COL21A1: variants seen among roughly 807,000 people sequenced by gnomAD.
COL21A1 encodes collagen alpha-1(XXI) chain.
COL21A1 carries 149 observed loss-of-function variants against 137.9 expected under a neutral mutation model. That is an observed-to-expected ratio of 1.08 (90% CI 0.95 to 1.24). The LOEUF (loss-of-function observed/expected upper bound fraction) is 1.24, where lower values mean the gene tolerates loss of function less well. Ranked by LOEUF, COL21A1 falls within the 50% of genes most tolerant of loss-of-function variation. The pLI is 0.00. For synonymous variants in COL21A1, 456 were observed against 391.5 expected (o/e 1.16, Z -1.95); for missense variants, 1,167 against 1,158.4 (o/e 1.01, Z -0.11).
intron 17 of COL21A1, among the ~76,000 whole-genome samples, chr6:56,096,580 T>C (rs536764157): frequency 6.6e-6 from 1 of 152,202 alleles, no homozygotes; most frequent in African/African-American, 2.4e-5. Flanking sequence ...TACTGACATG[T>C]GAATGTACTT....
chr6:56,201,608 T>G (rs984945715), intron 1 of COL21A1, among the ~76,000 whole-genome samples: 3 of 152,192 alleles, frequency 2.0e-5, no homozygotes, highest in Non-Finnish European at 2.9e-5. Flanking sequence ...AAAGATCAGA[T>G]AGTTGTAGAT....
intron 18 of COL21A1, 34 bp downstream of exon 18, chr6:56,077,495 T>C (rs1255176372): frequency 5.4e-6 from 8 of 1,490,998 alleles, no homozygotes; most frequent in Non-Finnish European, 7.3e-6. Flanking sequence ...AATGAGCAGA[T>C]CCAGGCCCAA....
chr6:56,353,474 G>A (rs1016810496), intron 1 of COL21A1, among the ~76,000 whole-genome samples: 1 of 152,026 alleles, frequency 6.6e-6, no homozygotes, highest in African/African-American at 2.4e-5. Context: ...GCCTCCAGAT[G>A]ACCCAGTCCC....
chr6:56,388,681 G>T (rs2094023247), intron 1 of COL21A1, among the ~76,000 whole-genome samples: 1 of 152,132 alleles, frequency 6.6e-6, no homozygotes, highest in Admixed American at 6.5e-5. Flanking sequence ...GTACAAACAA[G>T]CCCAGACTGC....
intron 1 of COL21A1, among the ~76,000 whole-genome samples, chr6:56,381,763 A>G (rs2094009030): frequency 6.6e-6 from 1 of 152,228 alleles, no homozygotes; most frequent in South Asian, 2.1e-4. Flanking sequence ...TGTTTTGTCA[A>G]TTATCAGCTA....
chr6:56,325,395 T>TATA (rs1765006467), intron 1 of COL21A1, among the ~76,000 whole-genome samples: 6 of 540 alleles, frequency 0.011, 3 homozygotes, highest in Non-Finnish European at 0.17. Flanking sequence ...TATTATATAT[T>TATA]ATATATATTA....
intron 1 of COL21A1, among the ~76,000 whole-genome samples, chr6:56,297,878 A>T (rs1341913749): frequency 6.6e-6 from 1 of 152,052 alleles, no homozygotes. Flanking sequence ...GTAGCCGTCT[A>T]TCATTTTTAT....
intron 1 of COL21A1, among the ~76,000 whole-genome samples, chr6:56,393,219 A>G (rs909411935): frequency 2.6e-5 from 4 of 152,222 alleles, no homozygotes; most frequent in Non-Finnish European, 5.9e-5. Flanking sequence ...ATTCATTTTC[A>G]ACAAAAATGC....
Position 56,180,038 on chromosome 6 carries a change from A to C in COL21A1, c.180T>G (p.Leu60=). 1 of 1,613,852 alleles carries C rather than the reference A, an allele frequency of 6.2e-7. No homozygotes were observed. The highest frequency in any genetic ancestry group is 8.5e-7 in the Non-Finnish European group (1 of 1,179,812). The part of the protein sequence containing the change: ...PENFEIVKKW[L]VNITKNFDIG... ...TGTCAAAGTTTTTTGTGATATTGAC[A>C]AGCCACTTTTTCACTATTTCAAAGT... The change falls in exon 3 of 30, where the codon CTT becomes CTG. Residue 60 remains leucine (L), a synonymous_variant. Coordinates refer to ENST00000244728, the MANE Select transcript of COL21A1 (RefSeq NM_030820.4).
intron 1 of COL21A1, among the ~76,000 whole-genome samples, chr6:56,214,084 A>G (rs1780343622): frequency 6.6e-6 from 1 of 152,138 alleles, no homozygotes; most frequent in Non-Finnish European, 1.5e-5. Context: ...CTAAATGTGA[A>G]TATTTGTATA....
chr6:56,326,825 G>A (rs1765105463), intron 1 of COL21A1, among the ~76,000 whole-genome samples: 1 of 151,992 alleles, frequency 6.6e-6, no homozygotes, highest in Non-Finnish European at 1.5e-5. Context: ...GACTAGATTA[G>A]GAACAATGGT....
intron 1 of COL21A1, among the ~76,000 whole-genome samples, chr6:56,323,832 T>C (rs1764934415): frequency 6.6e-6 from 1 of 152,108 alleles, no homozygotes; most frequent in African/African-American, 2.4e-5. Context: ...TTAATAATTA[T>C]TACTATGATG....
At chr6:56,112,688 T>TC (rs1554137678) in intron 16 of COL21A1, among the ~76,000 whole-genome samples, 1 of 104,934 alleles carries the variant, frequency 9.5e-6, no homozygotes, top group African/African-American at 3.4e-5. Context: ...TTCTTTTTTC[T>TC]TTTTTTTTTT....
At chr6:56,106,476 C>T (rs1770904756) in intron 16 of COL21A1, among the ~76,000 whole-genome samples, 1 of 152,278 alleles carries the variant, frequency 6.6e-6, no homozygotes, top group South Asian at 2.1e-4. Flanking sequence ...TCCTCCACAT[C>T]CCCAGCAGAA....
chr6:56,133,120 C>G (rs1467975162), intron 12 of COL21A1, among the ~76,000 whole-genome samples: 1 of 152,142 alleles, frequency 6.6e-6, no homozygotes, highest in Non-Finnish European at 1.5e-5. Flanking sequence ...GAGGTTGGAA[C>G]AGTTTGGAGG....
At chr6:56,194,135 ATTAAG>A (rs1362513311) in intron 1 of COL21A1, among the ~76,000 whole-genome samples, 1 of 152,180 alleles carries the variant, frequency 6.6e-6, no homozygotes. Context: ...AAGCCTCAAA[ATTAAG>A]TTATTAAGTT....
At chr6:56,158,003 G>T (rs992895132) in intron 9 of COL21A1, among the ~76,000 whole-genome samples, 4 of 152,240 alleles carry the variant, frequency 2.6e-5, no homozygotes, top group Admixed American at 2.6e-4. Context: ...TTGCCCAATG[G>T]CCAGTACTGA....
At chr6:56,340,058 A>G (rs1215191560) in intron 1 of COL21A1, among the ~76,000 whole-genome samples, 1 of 18,074 alleles carries the variant, frequency 5.5e-5, no homozygotes, top group Admixed American at 9.3e-4. Flanking sequence ...CCAGAGAGGA[A>G]AAAAAACGCC....
intron 25 of COL21A1, chr6:56,061,251 C>A (rs924869652): frequency 9.2e-6 from 5 of 544,816 alleles, no homozygotes; most frequent in Non-Finnish European, 1.6e-5. Flanking sequence ...GCCAGACCTA[C>A]AAGTATCCAC....
Sources: allele counts gnomAD v4.1 joint callset (sites outside exome capture counted in the v4.1 genomes callset), GRCh38; gene constraint gnomAD v4.1.1; transcripts MANE v1.5; gene names NCBI Gene and HGNC (gene_info 2026-07-23, HGNC 2026-07-21).